Variants in CHAF1A observed in about 807,000 individuals in gnomAD.
CHAF1A encodes chromatin assembly factor 1 subunit A.
A neutral mutation model predicts 93.2 loss-of-function variants in CHAF1A; 5 were observed. The ratio of observed to expected loss-of-function variants is 0.05; its 90% confidence interval spans 0.03 to 0.11. The LOEUF (loss-of-function observed/expected upper bound fraction) is 0.11, where lower values mean the gene tolerates loss of function less well. Among genes scored for constraint, CHAF1A ranks in the 10% least tolerant of loss-of-function variants. The probability of loss-of-function intolerance (pLI) is 1.00; values close to 1 mark genes in which losing one functional copy is unlikely to be tolerated. For synonymous variants in CHAF1A, 504 were observed against 510.3 expected (o/e 0.99, Z 0.17); for missense variants, 1,102 against 1,259.9 (o/e 0.87, Z 1.90).
chr19:4,409,889 C>A (rs1016890826), intron 3 of CHAF1A, 130 bp downstream of exon 3: 4 of 1,012,308 alleles, frequency 4.0e-6, no homozygotes, highest in Non-Finnish European at 5.7e-6. Flanking sequence ...TGGGACTCGA[C>A]GTGGAGTTCT....
chr19:4,431,772 A>G (rs568935520), intron 11 of CHAF1A, among the ~76,000 whole-genome samples, 180 bp from the exon 12 acceptor site: 7 of 152,298 alleles, frequency 4.6e-5, no homozygotes, highest in African/African-American at 1.7e-4. Context: ...GAATTATTCC[A>G]TCTGGAAGAG....
chr19:4,440,641 G>A (rs1974369244), intron 13 of CHAF1A, among the ~76,000 whole-genome samples: 1 of 151,920 alleles, frequency 6.6e-6, no homozygotes, highest in Admixed American at 6.6e-5. Flanking sequence ...GTGTCCTCAG[G>A]CAATTTCATG....
chr19:4,445,512 C>A (rs763974738), downstream of CHAF1A: 1 of 1,613,804 alleles, frequency 6.2e-7, no homozygotes, highest in Non-Finnish European at 8.5e-7. Context: ...AAGAGCTTCT[C>A]GATGGCTGAC....
At chr19:4,419,555 G>A (rs760509534) in intron 4 of CHAF1A, among the ~76,000 whole-genome samples, 7 of 151,826 alleles carry the variant, frequency 4.6e-5, no homozygotes, top group Non-Finnish European at 7.4e-5. Flanking sequence ...TCAGCCTCTC[G>A]AGTAGCTGGG....
intron 3 of CHAF1A, among the ~76,000 whole-genome samples, chr19:4,414,143 G>A (rs945558842): frequency 6.6e-5 from 10 of 152,182 alleles, no homozygotes; most frequent in African/African-American, 2.4e-4. Flanking sequence ...GCTCAAGCCT[G>A]TAACCCCAGC....
rs1482283689 is a variant in CHAF1A, at chr19:4,422,645, G to A, written c.1097G>A (p.Arg366Gln). 3 of 1,602,972 alleles carry A rather than the reference G, an allele frequency of 1.9e-6. No individual in the cohort carries two copies. Among genetic ancestry groups the A allele is most frequent in the African/African-American group, 1.3e-5 (1 of 74,736 alleles). The change falls in exon 5 of 15, where the codon CGG (arginine) becomes CAG (glutamine). Residue 366 changes from arginine to glutamine, a missense_variant. Physicochemically the swap from Arg to Gln is conservative, Grantham distance 43. Transcript: ENST00000301280. This position sits in a 1 kb window ranked among gnomAD's most constrained non-coding sequence, Gnocchi z 4.6. ...GAGAAGCTGAAAGAGGAGGCCAAGCGGGCCAAGGAGGAGGCCAAGAAGAAG... is the reference window on the plus strand; with the variant it reads ...GAGAAGCTGAAAGAGGAGGCCAAGCAGGCCAAGGAGGAGGCCAAGAAGAAG... ...EKEKLKEEAKRAKEEAKKKKE... is the reference protein window; with the variant it reads ...EKEKLKEEAKQAKEEAKKKKE...
At chr19:4,405,245 G>A (rs1014637265) in intron 1 of CHAF1A, among the ~76,000 whole-genome samples, 1 of 152,100 alleles carries the variant, frequency 6.6e-6, no homozygotes, top group Non-Finnish European at 1.5e-5. Flanking sequence ...CCAGAGAGAC[G>A]TAATAAACAC....
At chr19:4,442,775 C>T (rs1418145420) in intron 14 of CHAF1A, 150 bp from the exon 15 acceptor site, 4 of 610,928 alleles carry the variant, frequency 6.5e-6, no homozygotes, top group South Asian at 2.2e-5. Context: ...AGAAGAGGCA[C>T]AACGCCCCAG....
At chr19:4,420,843 T>C (rs1256024767) in intron 4 of CHAF1A, among the ~76,000 whole-genome samples, 1 of 151,894 alleles carries the variant, frequency 6.6e-6, no homozygotes, top group Non-Finnish European at 1.5e-5. Flanking sequence ...GAGGCTGAGG[T>C]GGACAGATTG....
chr19:4,406,935 G>C (rs1489086515), intron 2 of CHAF1A, among the ~76,000 whole-genome samples: 1 of 151,898 alleles, frequency 6.6e-6, no homozygotes, highest in Non-Finnish European at 1.5e-5. Flanking sequence ...TTGAAAAAAA[G>C]GGGGACGCCA....
At chr19:4,405,717 G>T (rs1434350656) in intron 1 of CHAF1A, among the ~76,000 whole-genome samples, 195 bp from the exon 2 acceptor site, 17 of 151,882 alleles carry the variant, frequency 1.1e-4, no homozygotes, top group Admixed American at 1.1e-3. Context: ...CTACCCACTG[G>T]ATGTGAATAG....
In CHAF1A at chr19:4,406,365, C is replaced by T. The variant is rs146403909; in HGVS notation, c.103+403C>T. On this transcript the variant is annotated intron_variant, in intron 2 of 14. Coordinates refer to ENST00000301280, the MANE Select transcript of CHAF1A (RefSeq NM_005483.3). ...CCACTGTTGTCCTGGAAGATAAATG[C>T]TCCCAAATCCTTCTGCATAAAACGG... 3.7e-3 allele frequency among the ~76,000 whole-genome samples: 564 copies of T among 152,272 alleles called. 3 individuals are homozygous for T. Among genetic ancestry groups the T allele is most frequent in the Admixed American group, 7.8e-3 (120 of 15,296 alleles).
chr19:4,405,108 T>A (rs1340945067), intron 1 of CHAF1A, among the ~76,000 whole-genome samples: 1 of 152,194 alleles, frequency 6.6e-6, no homozygotes, highest in Admixed American at 6.6e-5. Flanking sequence ...TCATTCCACT[T>A]TCATTTCATG....
At position 4,423,373 on chromosome 19, in the gene CHAF1A, A is replaced by G; in HGVS notation, c.1286A>G (p.Lys429Arg). 6.2e-7 allele frequency: 1 copy of G among 1,614,078 alleles called. No homozygotes were observed. Among genetic ancestry groups the G allele is most frequent in the Non-Finnish European group, 8.5e-7 (1 of 1,179,926 alleles). ...LEEKRKKEEE[K>R]RLREEEKRIK... ...GAAAAAAGGAAAAAGGAAGAAGAGA[A>G]ACGGTTAAGAGAAGAAGAGAAGGTA... is the stretch of plus-strand genomic sequence containing the variant. The change falls in exon 6 of 15, where the codon AAA becomes AGA. Residue 429 changes from lysine (K) to arginine (R), a missense_variant. Around this residue, in one of 6 missense-constraint regions of CHAF1A, gnomAD observed 165 missense variants for 243.9 expected, o/e 0.68. Transcript: ENST00000301280.
At chr19:4,430,774 C>G (rs887939581) in intron 11 of CHAF1A, 133 bp downstream of exon 11, 2 of 874,610 alleles carry the variant, frequency 2.3e-6, no homozygotes, top group African/African-American at 3.4e-5. Flanking sequence ...TCCAAGCACG[C>G]AAGCTCACTC....
intron 7 of CHAF1A, among the ~76,000 whole-genome samples, 169 bp from the exon 8 acceptor site, chr19:4,428,495 C>CCTGTAGCTCTGGAAACTCGGCT (rs1178866379): frequency 1.3e-5 from 2 of 152,184 alleles, no homozygotes; most frequent in African/African-American, 4.8e-5. Context: ...TGCCCTCTGC[C>CCTGTAGCTCTGGAAACTCGGCT]CTGTAGCTCT....
intron 3 of CHAF1A, among the ~76,000 whole-genome samples, chr19:4,417,707 T>C (rs1003664366): frequency 2.0e-5 from 3 of 151,948 alleles, no homozygotes; most frequent in Non-Finnish European, 4.4e-5. Flanking sequence ...GTGATCTGTC[T>C]GCCTCGGCCT....
chr19:4,433,585 TTTTG>T lies in CHAF1A; in HGVS notation c.2673+54_2673+57del, dbSNP rs1173928319. On this transcript the variant is annotated intron_variant, in intron 13 of 14. Transcript: ENST00000301280. This position sits in a 1 kb window ranked among gnomAD's most constrained non-coding sequence, Gnocchi z 5.6. ...GGGGGCCTCTGCAGGGCTTTTCTTT[TTTTG>T]TTTGTTTTTTGTTGTTTTGTTTTTT... 9 of 1,432,156 alleles carry T rather than the reference TTTTG, an allele frequency of 6.3e-6. No homozygotes were observed. In the Admixed American group the frequency reaches 9.4e-5, roughly 15 times the overall value. 88.7% of individuals were successfully genotyped at this position (1,432,156 alleles called of 1,614,324 possible).
downstream of CHAF1A, chr19:4,445,847 G>T: frequency 2.9e-6 from 3 of 1,049,860 alleles, no homozygotes; most frequent in Non-Finnish European, 4.0e-6. Flanking sequence ...CCCATTTGAT[G>T]GGGAAACTGA....
Sources: allele counts gnomAD v4.1 joint callset (sites outside exome capture counted in the v4.1 genomes callset), GRCh38; gene constraint gnomAD v4.1.1; regional missense constraint gnomAD v4.1.1; non-coding constraint Gnocchi (gnomAD v3.1); transcripts MANE v1.5; gene names NCBI Gene and HGNC (gene_info 2026-07-23, HGNC 2026-07-21).